The following AGPS variants were observed in gnomAD, a reference collection of about 807,000 sequenced individuals.
The protein encoded by AGPS is alkyldihydroxyacetonephosphate synthase, peroxisomal.
A neutral mutation model predicts 90.7 loss-of-function variants in AGPS; 26 were observed. The ratio of observed to expected loss-of-function variants is 0.29; its 90% confidence interval spans 0.21 to 0.40. AGPS has a LOEUF of 0.40. AGPS is among the 10% of genes least tolerant of loss of function. The pLI, the probability that AGPS is intolerant of heterozygous loss-of-function variation, is 1.00. For synonymous variants in AGPS, 294 were observed against 285.3 expected (o/e 1.03, Z -0.31); for missense variants, 540 against 816.1 (o/e 0.66, Z 4.12).
rs16865328 is a variant in AGPS, at chr2:177,523,436, T to G, written c.1798-312T>G. 0.084 allele frequency among the ~76,000 whole-genome samples: 12,778 copies of G among 152,270 alleles called. 867 individuals are homozygous for G. The highest frequency in any genetic ancestry group is 0.36 in the East Asian group (1,860 of 5,174). On this transcript the variant is annotated intron_variant, in intron 18 of 19. Coordinates refer to ENST00000264167, the MANE Select transcript of AGPS (RefSeq NM_003659.4). Reference sequence around the variant, plus strand: ...TGTTCGTTACTAAGTAGAACCTGACTCTACATTTACAACTTTGCAGTTATT... The same window carrying G: ...TGTTCGTTACTAAGTAGAACCTGACGCTACATTTACAACTTTGCAGTTATT...
At chr2:177,436,096 G>A (rs112315833) in intron 3 of AGPS, among the ~76,000 whole-genome samples, 6 of 136,854 alleles carry the variant, frequency 4.4e-5, no homozygotes, top group African/African-American at 1.6e-4. Flanking sequence ...GAGGCTTTCT[G>A]TTGATCACTT....
chr2:177,491,773 C>CT (rs796961141), intron 11 of AGPS, among the ~76,000 whole-genome samples: 1 of 34,278 alleles, frequency 2.9e-5, no homozygotes, highest in African/African-American at 9.4e-5. Flanking sequence ...CCCCCCCCCC[C>CT]TTTTTTTTCA....
intron 3 of AGPS, 107 bp downstream of exon 3, chr2:177,434,524 TG>T: frequency 1.1e-6 from 1 of 870,466 alleles, no homozygotes; most frequent in Non-Finnish European, 1.8e-6. Flanking sequence ...GCAACTGTCA[TG>T]TTTTTTGTTA....
chr2:177,541,057 G>C lies in AGPS; in HGVS notation c.*2862G>C, dbSNP rs2079230356. 6.6e-6 allele frequency: 1 copy of C among 152,082 alleles called. No homozygotes were observed. The highest frequency in any genetic ancestry group is 1.5e-5 in the Non-Finnish European group (1 of 67,998). 9.4% of individuals were successfully genotyped at this position (152,082 alleles called of 1,614,324 possible). A position where few individuals can be genotyped will look rare whatever the true frequency, so the allele number is the denominator to read the frequency against. Reference sequence around the variant, plus strand: ...TATATTATTTCTTCTAAGGAAGTAGGAGTTTTCTTCCTAAAAGTGCTTACA... The same window carrying C: ...TATATTATTTCTTCTAAGGAAGTAGCAGTTTTCTTCCTAAAAGTGCTTACA... On this transcript the variant is annotated 3_prime_UTR_variant, in exon 20 of 20. Transcript: ENST00000264167.
At chr2:177,439,528 G>A (rs1371046348) in intron 5 of AGPS, among the ~76,000 whole-genome samples, 2 of 152,124 alleles carry the variant, frequency 1.3e-5, no homozygotes, top group Non-Finnish European at 2.9e-5. Context: ...ACCACAGATA[G>A]CAAGCTTTAT....
At chr2:177,412,820 G>T (rs1183519216) in intron 1 of AGPS, among the ~76,000 whole-genome samples, 2 of 152,136 alleles carry the variant, frequency 1.3e-5, no homozygotes, top group African/African-American at 4.8e-5. Context: ...CATGGGTCAT[G>T]GAACAGAACC....
chr2:177,407,210 G>T (rs1460924981), intron 1 of AGPS, among the ~76,000 whole-genome samples: 1 of 152,150 alleles, frequency 6.6e-6, no homozygotes, highest in African/African-American at 2.4e-5. Flanking sequence ...GGTAATGATT[G>T]TAAAGCCCTT....
intron 10 of AGPS, among the ~76,000 whole-genome samples, chr2:177,479,290 G>T (rs551116013): frequency 6.6e-6 from 1 of 152,178 alleles, no homozygotes; most frequent in African/African-American, 2.4e-5. Flanking sequence ...CACAGTTGGG[G>T]CCCGGAGCTA....
intron 19 of AGPS, among the ~76,000 whole-genome samples, chr2:177,530,070 G>A (rs955004120): frequency 2.0e-5 from 3 of 152,184 alleles, no homozygotes; most frequent in Non-Finnish European, 4.4e-5. Context: ...GTGGCAATCT[G>A]TTTGGCACTC....
chr2:177,402,343 G>C (rs556224295), intron 1 of AGPS, among the ~76,000 whole-genome samples: 5 of 152,326 alleles, frequency 3.3e-5, no homozygotes, highest in African/African-American at 1.2e-4. Context: ...CAAGGAGACT[G>C]GTGCAGCTGG....
chr2:177,479,780 T>C (rs1405232376), intron 10 of AGPS, among the ~76,000 whole-genome samples: 3 of 152,100 alleles, frequency 2.0e-5, no homozygotes, highest in Admixed American at 1.3e-4. Flanking sequence ...GGAGTAGAAA[T>C]GGAGAGGGTT....
chr2:177,512,805 G>T (rs553436276), intron 16 of AGPS, among the ~76,000 whole-genome samples: 4 of 152,174 alleles, frequency 2.6e-5, no homozygotes, highest in Non-Finnish European at 4.4e-5. Flanking sequence ...CTGGATTTCA[G>T]CTTGTGAGTA....
Position 177,513,922 on chromosome 2 carries a change from A to G in AGPS, c.1697+14A>G, listed in dbSNP as rs1688951975. On this transcript the variant is annotated intron_variant, in intron 17 of 19. Transcript: ENST00000264167. ...TTCTACATGCAGGTAAGTTTTAAAAATTGTTCTTATACTTCTTATTCTGAA... is the reference window on the plus strand; with the variant it reads ...TTCTACATGCAGGTAAGTTTTAAAAGTTGTTCTTATACTTCTTATTCTGAA... 6.3e-7 allele frequency: 1 copy of G among 1,575,360 alleles called. No homozygotes were observed. Among genetic ancestry groups the G allele is most frequent in the Non-Finnish European group, 8.7e-7 (1 of 1,144,850 alleles).
intron 2 of AGPS, among the ~76,000 whole-genome samples, chr2:177,429,326 A>G (rs1686171618): frequency 6.6e-6 from 1 of 152,162 alleles, no homozygotes; most frequent in Non-Finnish European, 1.5e-5. Context: ...CAACCATCTC[A>G]GCCTTAGCCC....
intron 12 of AGPS, among the ~76,000 whole-genome samples, chr2:177,495,784 G>T (rs762440278): frequency 8.6e-5 from 13 of 150,718 alleles, no homozygotes; most frequent in Non-Finnish European, 1.3e-4. Flanking sequence ...TGGGCATGTT[G>T]GCGAGCACCT....
At chr2:177,396,716 TGA>T (rs991052402) in intron 1 of AGPS, among the ~76,000 whole-genome samples, 15 of 152,198 alleles carry the variant, frequency 9.9e-5, no homozygotes, top group Admixed American at 4.6e-4. Context: ...ATGATGTGTG[TGA>T]GAGTTTTAGA....
At chr2:177,482,020 C>G in intron 10 of AGPS, 39 bp from the exon 11 acceptor site, 1 of 1,546,530 alleles carries the variant, frequency 6.5e-7, no homozygotes, top group East Asian at 2.4e-5. Flanking sequence ...AGAAAATTGT[C>G]ATGTGATGTA....
intron 15 of AGPS, 63 bp from the exon 16 acceptor site, chr2:177,507,907 C>T (rs369136805): frequency 2.8e-6 from 3 of 1,089,082 alleles, no homozygotes; most frequent in East Asian, 2.4e-5. Context: ...GAAAGACTAA[C>T]AGTGTTATTG....
chr2:177,457,953 C>T (rs557738175), intron 8 of AGPS, among the ~76,000 whole-genome samples: 5 of 152,166 alleles, frequency 3.3e-5, no homozygotes, highest in African/African-American at 1.2e-4. Flanking sequence ...ACTGGCAAAC[C>T]GAACGAATCC....
Sources: allele counts gnomAD v4.1 joint callset (sites outside exome capture counted in the v4.1 genomes callset), GRCh38; gene constraint gnomAD v4.1.1; transcripts MANE v1.5; gene names NCBI Gene and HGNC (gene_info 2026-07-23, HGNC 2026-07-21).